C6: variants seen among roughly 807,000 people sequenced by gnomAD.
The protein encoded by C6 is complement component C6.
A neutral mutation model predicts 112.9 loss-of-function variants in C6; 101 were observed. The ratio of observed to expected loss-of-function variants is 0.89; its 90% confidence interval spans 0.76 to 1.06. The LOEUF (loss-of-function observed/expected upper bound fraction) is 1.06, where lower values mean the gene tolerates loss of function less well. C6 is among the 50% of genes least tolerant of loss of function. The pLI is 0.00. For missense variants in C6, 1,202 were observed against 1,104.6 expected, an observed-to-expected ratio of 1.09 and a Z score of -1.25; for synonymous variants, 431 against 384.1, an observed-to-expected ratio of 1.12 and a Z score of -1.43.
chr5:41,207,834 A>G (rs1751562313), intron 1 of C6, among the ~76,000 whole-genome samples: 1 of 152,308 alleles, frequency 6.6e-6, no homozygotes, highest in East Asian at 1.9e-4. Context: ...CAGAAAGTTA[A>G]CAAGGATATC....
At chr5:41,164,480 G>A (rs577173967) in intron 9 of C6, among the ~76,000 whole-genome samples, 4 of 152,168 alleles carry the variant, frequency 2.6e-5, no homozygotes, top group Admixed American at 6.5e-5. Context: ...GGTCCAGGGA[G>A]GGGGAAGAAC....
Position 41,203,238 on chromosome 5 carries a change from G to A in C6, c.-8C>T, listed in dbSNP as rs775909031. On this transcript the variant is annotated 5_prime_UTR_variant, in exon 2 of 18. Coordinates refer to ENST00000337836, the MANE Select transcript of C6 (RefSeq NM_000065.5). Reference sequence around the variant, plus strand: ...GACAGAGCGTCTGGCCATGCCTTGAGAGCCTCCAGGCCCTAAAATGAAAGA... The same window carrying A: ...GACAGAGCGTCTGGCCATGCCTTGAAAGCCTCCAGGCCCTAAAATGAAAGA... 11 of 1,613,948 alleles carry A rather than the reference G, an allele frequency of 6.8e-6. No individual in the cohort carries two copies. In the Admixed American group the frequency reaches 8.3e-5, roughly 12 times the overall value.
At chr5:41,204,872 C>A (rs113261411) in intron 1 of C6, among the ~76,000 whole-genome samples, 19 of 151,682 alleles carry the variant, frequency 1.3e-4, no homozygotes, top group African/African-American at 4.6e-4. Flanking sequence ...GGTTTCACTG[C>A]GTTAGCCAGG....
At chr5:41,255,754 T>C (rs1028061450) in intron 1 of C6, among the ~76,000 whole-genome samples, 1 of 152,204 alleles carries the variant, frequency 6.6e-6, no homozygotes, top group Non-Finnish European at 1.5e-5. Flanking sequence ...CAATTCTTAA[T>C]TCCCAGAGAA....
intron 1 of C6, among the ~76,000 whole-genome samples, chr5:41,208,449 A>G (rs189954285): frequency 7.9e-5 from 12 of 152,304 alleles, no homozygotes; most frequent in Admixed American, 7.8e-4. Context: ...TTTTGAAAAG[A>G]TTGACAAAAC....
At chr5:41,182,265 C>CTT (rs371104902) in intron 6 of C6, among the ~76,000 whole-genome samples, 8 of 141,948 alleles carry the variant, frequency 5.6e-5, no homozygotes, top group South Asian at 2.3e-4. Context: ...CCCCCCGCCC[C>CTT]TTTTTTTTTT....
chr5:41,214,155 A>T (rs1218804379), upstream of C6, among the ~76,000 whole-genome samples: 1 of 152,182 alleles, frequency 6.6e-6, no homozygotes, highest in Non-Finnish European at 1.5e-5. Flanking sequence ...AGGGACTGAG[A>T]ATGTGGATAC....
chr5:41,162,234 A>G (rs978768862), intron 9 of C6, among the ~76,000 whole-genome samples: 6 of 152,288 alleles, frequency 3.9e-5, no homozygotes, highest in East Asian at 1.9e-4. Flanking sequence ...AATATAGCCC[A>G]GTCCTTGACT....
At position 41,195,887 on chromosome 5, in the gene C6, A is replaced by G. The variant is rs1750578223; in HGVS notation, c.492T>C (p.Cys164=). ...RKLECNGEND[C]GDNSDERDCG... is the part of the protein sequence containing the mutation. Reference sequence around the variant, plus strand: ...AGTCCCTTTCATCTGAATTGTCTCCACAGTCATTTTCTCCATTGCATTCTA... The same window carrying G: ...AGTCCCTTTCATCTGAATTGTCTCCGCAGTCATTTTCTCCATTGCATTCTA... The change falls in exon 5 of 18, where the codon TGT becomes TGC. Residue 164 remains cysteine (C), a synonymous_variant. Coordinates refer to ENST00000337836, the MANE Select transcript of C6 (RefSeq NM_000065.5). 6.2e-7 allele frequency: 1 copy of G among 1,614,016 alleles called. No individual in the cohort carries two copies. The highest frequency in any genetic ancestry group is 2.2e-5 in the East Asian group (1 of 44,854).
intron 9 of C6, among the ~76,000 whole-genome samples, chr5:41,162,660 T>C (rs1747631871): frequency 6.6e-6 from 1 of 152,186 alleles, no homozygotes; most frequent in African/African-American, 2.4e-5. Flanking sequence ...ATATGAGCGA[T>C]AGTTAGTGGC....
chr5:41,223,934 A>G (rs559762083), intron 1 of C6, among the ~76,000 whole-genome samples: 2 of 152,252 alleles, frequency 1.3e-5, no homozygotes, highest in African/African-American at 4.8e-5. Flanking sequence ...CATTCTAGAT[A>G]TTGACAATTT....
At position 41,159,270 on chromosome 5, in the gene C6, C is replaced by T; in HGVS notation, c.1685-17G>A. On this transcript the variant is annotated splice_polypyrimidine_tract_variant and intron_variant, in intron 11 of 17. Coordinates refer to ENST00000337836, the MANE Select transcript of C6 (RefSeq NM_000065.5). ...CTACTGCATCTGGAACAAAGGAAGACTCACTCCCATGGATCATGGTGCAGC... is the reference window on the plus strand; with the variant it reads ...CTACTGCATCTGGAACAAAGGAAGATTCACTCCCATGGATCATGGTGCAGC... The T allele has an allele frequency of 6.2e-7, 1 of 1,611,722 alleles. No individual in the cohort carries two copies. The highest frequency in any genetic ancestry group is 8.5e-7 in the Non-Finnish European group (1 of 1,178,866).
chr5:41,208,792 A>G (rs1187783238), intron 1 of C6, among the ~76,000 whole-genome samples: 2 of 152,138 alleles, frequency 1.3e-5, no homozygotes, highest in East Asian at 1.9e-4. Context: ...TACCAGAGGT[A>G]CAAGGAGGAG....
chr5:41,252,797 G>C (rs1741448762), intron 1 of C6, among the ~76,000 whole-genome samples: 1 of 152,136 alleles, frequency 6.6e-6, no homozygotes, highest in South Asian at 2.1e-4. Context: ...GGCTTCCACA[G>C]CTCCCCTTAT....
At chr5:41,208,776 G>A (rs1483856222) in intron 1 of C6, among the ~76,000 whole-genome samples, 2 of 151,912 alleles carry the variant, frequency 1.3e-5, no homozygotes, top group Non-Finnish European at 2.9e-5. Flanking sequence ...ATTCACAGCC[G>A]AATTCTACCA....
In C6 at chr5:41,204,230, A is replaced by T. The variant is rs147610244; in HGVS notation, c.-20-980T>A. ...TTTTTCTGTCTCAGTTTCACTATCT[A>T]TAAAATAAGAGTAATACCTACCTCA... On this transcript the variant is annotated intron_variant, in intron 1 of 17. Transcript: ENST00000337836. Among the ~76,000 whole-genome samples, 530 of 152,350 alleles carry T rather than the reference A, an allele frequency of 3.5e-3. 11 individuals are homozygous for T. The highest frequency in any genetic ancestry group is 0.031 in the Admixed American group (470 of 15,300).
At chr5:41,227,299 G>GTT (rs150172381) in intron 1 of C6, among the ~76,000 whole-genome samples, 13 of 149,974 alleles carry the variant, frequency 8.7e-5, no homozygotes, top group South Asian at 8.5e-4. Flanking sequence ...TTTTTTAATT[G>GTT]TTTTTTTTTC....
intron 1 of C6, among the ~76,000 whole-genome samples, chr5:41,239,853 A>C (rs933172704): frequency 6.6e-6 from 1 of 152,102 alleles, no homozygotes; most frequent in Non-Finnish European, 1.5e-5. Flanking sequence ...TTTCTCTTTC[A>C]TTTATGAAAG....
intron 1 of C6, among the ~76,000 whole-genome samples, chr5:41,208,970 C>A (rs1751670526): frequency 6.6e-6 from 1 of 152,128 alleles, no homozygotes; most frequent in Non-Finnish European, 1.5e-5. Context: ...CAAAAATCCT[C>A]AATAAAATAC....
Sources: allele counts gnomAD v4.1 joint callset (sites outside exome capture counted in the v4.1 genomes callset), GRCh38; gene constraint gnomAD v4.1.1; transcripts MANE v1.5; gene names NCBI Gene and HGNC (gene_info 2026-07-23, HGNC 2026-07-21).